SNX29: variants seen among roughly 807,000 people sequenced by gnomAD.
SNX29 encodes sorting nexin 29.
In SNX29, 78 loss-of-function variants were observed where a neutral mutation model predicts 102.1. That is an observed-to-expected ratio of 0.76 (90% CI 0.64 to 0.92). The LOEUF is 0.92. Ranked by LOEUF, SNX29 falls within the 40% of genes least tolerant of loss-of-function variation. The probability of loss-of-function intolerance (pLI) is 0.00; values close to 1 mark genes in which losing one functional copy is unlikely to be tolerated. For missense variants in SNX29, 1,280 were observed against 1,061.7 expected, an observed-to-expected ratio of 1.21 and a Z score of -2.86; for synonymous variants, 580 against 414.5, an observed-to-expected ratio of 1.40 and a Z score of -4.85.
At chr16:12,322,761 G>T (rs577540934) in intron 15 of SNX29, among the ~76,000 whole-genome samples, 15 of 151,116 alleles carry the variant, frequency 9.9e-5, no homozygotes, top group Admixed American at 9.9e-4. Flanking sequence ...GTTACTGGGG[G>T]ACCACCGTCA....
At chr16:12,515,199 C>T (rs116683022) in intron 19 of SNX29, among the ~76,000 whole-genome samples, 3,413 of 152,214 alleles carry the variant, frequency 0.022, 80 homozygotes, top group African/African-American at 0.052. Flanking sequence ...CCTTGTGTAG[C>T]CCTTCATCAG....
chr16:12,386,684 T>A (rs2083352736), intron 16 of SNX29, among the ~76,000 whole-genome samples: 1 of 152,212 alleles, frequency 6.6e-6, no homozygotes, highest in Non-Finnish European at 1.5e-5. Flanking sequence ...AACACATGGA[T>A]GCATTTTTTT....
intron 9 of SNX29, among the ~76,000 whole-genome samples, chr16:12,064,029 G>T (rs919546771): frequency 2.6e-5 from 4 of 152,048 alleles, no homozygotes; most frequent in Admixed American, 6.6e-5. Context: ...TTTTGAATGT[G>T]TGTTCACAGG....
chr16:12,278,729 C>G (rs573456836), intron 15 of SNX29, among the ~76,000 whole-genome samples: 1 of 152,158 alleles, frequency 6.6e-6, no homozygotes, highest in Non-Finnish European at 1.5e-5. Flanking sequence ...CAAATAGAAT[C>G]ATTTGTGTAT....
rs1274189561 is a variant in SNX29, at chr16:12,128,476, G to A, written c.1467-1154G>A. ...TCTTTTTTTTTTTTTTTTTTGAGAC[G>A]GAGTCTTGTTCTTTCTCCCAGGCTG... On this transcript the variant is annotated intron_variant, in intron 12 of 20. Transcript: ENST00000566228. 4.6e-5 allele frequency among the ~76,000 whole-genome samples: 6 copies of A among 131,236 alleles called. No individual in the cohort carries two copies. The East Asian group carries it at 7.1e-4, about 16-fold the overall frequency. 86.1% of individuals were successfully genotyped at this position (131,236 alleles called of 152,430 possible). A position where few individuals can be genotyped will look rare whatever the true frequency, so the allele number is the denominator to read the frequency against.
intron 18 of SNX29, among the ~76,000 whole-genome samples, chr16:12,471,744 G>A (rs1454614320): frequency 6.6e-6 from 1 of 152,236 alleles, no homozygotes; most frequent in African/African-American, 2.4e-5. Context: ...ACAATCAGGT[G>A]TATCAATCTT....
At chr16:12,546,529 G>C (rs187274703) in intron 20 of SNX29, 1 of 152,108 alleles carries the variant, frequency 6.6e-6, no homozygotes, top group African/African-American at 2.4e-5. Context: ...TCTCCCAATG[G>C]GTCCCTCCCA....
At chr16:12,539,404 G>A (rs541211288) in intron 20 of SNX29, among the ~76,000 whole-genome samples, 5 of 152,248 alleles carry the variant, frequency 3.3e-5, no homozygotes, top group East Asian at 1.9e-4. Flanking sequence ...TGTGAGAACC[G>A]TCAAGTCGTT....
chr16:11,984,394 ATTG>A, intron 1 of SNX29, among the ~76,000 whole-genome samples: 2 of 142,994 alleles, frequency 1.4e-5, no homozygotes, highest in Non-Finnish European at 3.1e-5. Context: ...AAAAGAAAAG[ATTG>A]AGACTGATAT....
intron 15 of SNX29, among the ~76,000 whole-genome samples, chr16:12,335,210 A>G (rs1468676719): frequency 2.0e-5 from 3 of 151,946 alleles, no homozygotes; most frequent in Admixed American, 1.3e-4. Context: ...TGAGTTATAG[A>G]TCTTTGAGGG....
intron 16 of SNX29, among the ~76,000 whole-genome samples, chr16:12,389,572 A>C (rs770407225): frequency 1.9e-4 from 29 of 152,202 alleles, no homozygotes; most frequent in South Asian, 8.3e-4. Flanking sequence ...TTCCTTTATA[A>C]TTACCTTTAT....
chr16:11,992,628 G>A (rs1044306017), intron 1 of SNX29, among the ~76,000 whole-genome samples: 8 of 152,198 alleles, frequency 5.3e-5, no homozygotes, highest in African/African-American at 1.9e-4. Flanking sequence ...AGTGTGGTGT[G>A]TGGAAGGAAC....
intron 14 of SNX29, among the ~76,000 whole-genome samples, chr16:12,239,963 T>A (rs2142280484): frequency 6.6e-6 from 1 of 152,348 alleles, no homozygotes; most frequent in Middle Eastern, 3.4e-3. Flanking sequence ...CTCTTCCCAG[T>A]CTTTTTTATT....
At chr16:12,183,110 C>T (rs1014227247) in intron 13 of SNX29, among the ~76,000 whole-genome samples, 3 of 152,138 alleles carry the variant, frequency 2.0e-5, no homozygotes, top group Non-Finnish European at 4.4e-5. Flanking sequence ...AGCAATCCTC[C>T]TGCCTCAGAC....
chr16:12,079,174 T>C (rs2292278), intron 11 of SNX29, among the ~76,000 whole-genome samples: 33,291 of 152,214 alleles, frequency 0.22, 4,125 homozygotes, highest in African/African-American at 0.34. Flanking sequence ...TTCCAGGTTT[T>C]GGGGTTTGCC....
intron 20 of SNX29, among the ~76,000 whole-genome samples, chr16:12,551,833 A>AGCT (rs570733453): frequency 7.6e-4 from 115 of 152,280 alleles, no homozygotes; most frequent in African/African-American, 2.4e-3. Flanking sequence ...TTTGTCACTT[A>AGCT]GCTGCTGCTG....
chr16:12,276,222 A>T (rs2079246114), intron 14 of SNX29, among the ~76,000 whole-genome samples: 1 of 152,016 alleles, frequency 6.6e-6, no homozygotes, highest in South Asian at 2.1e-4. Context: ...GGATTTTGAG[A>T]GGATGTGAGT....
intron 18 of SNX29, among the ~76,000 whole-genome samples, chr16:12,417,688 TTC>T (rs1229540627): frequency 6.6e-6 from 1 of 152,052 alleles, no homozygotes; most frequent in Non-Finnish European, 1.5e-5. Flanking sequence ...CTCTCTCCTG[TTC>T]TGTGTCCTCT....
At chr16:12,513,588 G>A (rs1289040675) in intron 19 of SNX29, among the ~76,000 whole-genome samples, 1 of 152,152 alleles carries the variant, frequency 6.6e-6, no homozygotes, top group Non-Finnish European at 1.5e-5. Flanking sequence ...CAAGCTGCAG[G>A]ACCTGTTCCA....
Sources: allele counts gnomAD v4.1 joint callset (sites outside exome capture counted in the v4.1 genomes callset), GRCh38; gene constraint gnomAD v4.1.1; transcripts MANE v1.5; gene names NCBI Gene and HGNC (gene_info 2026-07-23, HGNC 2026-07-21).